Variants in ZMAT4 observed in about 807,000 individuals in gnomAD.
ZMAT4 encodes the protein zinc finger matrin-type protein 4.
Under a neutral mutation model 28.7 loss-of-function variants are expected in ZMAT4, and 17 were observed. The ratio of observed to expected loss-of-function variants is 0.59; its 90% CI spans 0.41 to 0.89. ZMAT4 has a LOEUF of 0.89. ZMAT4 is among the 40% of genes least tolerant of loss of function. The pLI, the probability that ZMAT4 is intolerant of heterozygous loss-of-function variation, is 0.00. For synonymous variants in ZMAT4, 117 were observed against 109.2 expected (o/e 1.07, Z -0.44); for missense variants, 240 against 283.8 (o/e 0.85, Z 1.11).
At chr8:40,811,612 A>T (rs1815320563) in intron 2 of ZMAT4, among the ~76,000 whole-genome samples, 1 of 152,212 alleles carries the variant, frequency 6.6e-6, no homozygotes, top group Admixed American at 6.5e-5. Context: ...TTGTCACAGC[A>T]TTGCTTGTGC....
chr8:40,760,576 C>T (rs1447526408), intron 3 of ZMAT4, among the ~76,000 whole-genome samples: 1 of 152,188 alleles, frequency 6.6e-6, no homozygotes, highest in Non-Finnish European at 1.5e-5. Flanking sequence ...TCAGAAAAAA[C>T]AAAATTCCTG....
rs1554572612 is a variant in ZMAT4, at chr8:40,862,570, TAA to T, written c.-5+35111_-5+35112del. 6.2e-4 allele frequency among the ~76,000 whole-genome samples: 56 copies of T among 90,034 alleles called. 1 individual carries two copies. The highest frequency in any genetic ancestry group is 3.4e-3 in the East Asian group (10 of 2,968). The allele number at this position is 90,034 out of a possible 152,430, so 59.1% of individuals were successfully genotyped here. A position where few individuals can be genotyped will look rare whatever the true frequency, so the allele number is the denominator to read the frequency against. Reference sequence around the variant, plus strand: ...ATGTACCCTAAAACTTAGAGTATAATAAAAAAAAAAAATTAAAAAAAAAAAAA... The same window carrying T: ...ATGTACCCTAAAACTTAGAGTATAATAAAAAAAAAATTAAAAAAAAAAAAA... On this transcript the variant is annotated intron_variant, in intron 1 of 6. Coordinates refer to ENST00000297737, the MANE Select transcript of ZMAT4 (RefSeq NM_024645.3).
At chr8:40,613,386 G>A (rs1242966915) in intron 5 of ZMAT4, among the ~76,000 whole-genome samples, 1 of 151,634 alleles carries the variant, frequency 6.6e-6, no homozygotes. Flanking sequence ...GTTTCACCAT[G>A]TTGGTCTGGC....
intron 6 of ZMAT4, among the ~76,000 whole-genome samples, chr8:40,580,529 A>G (rs1382263576): frequency 2.0e-5 from 3 of 152,156 alleles, no homozygotes; most frequent in Admixed American, 1.3e-4. Flanking sequence ...TTTTATTAGC[A>G]TTTTATTAAC....
intron 2 of ZMAT4, among the ~76,000 whole-genome samples, chr8:40,771,681 T>G (rs1813394736): frequency 6.6e-6 from 1 of 152,230 alleles, no homozygotes; most frequent in Non-Finnish European, 1.5e-5. Context: ...CTACTTCCAA[T>G]TTTAAAACTT....
At chr8:40,878,359 A>G (rs553717262) in intron 1 of ZMAT4, among the ~76,000 whole-genome samples, 12 of 152,212 alleles carry the variant, frequency 7.9e-5, no homozygotes, top group Non-Finnish European at 1.3e-4. Context: ...ATTTAAACTT[A>G]TAGAACACTG....
chr8:40,668,999 G>T (rs965373226), intron 5 of ZMAT4, among the ~76,000 whole-genome samples: 3 of 151,954 alleles, frequency 2.0e-5, no homozygotes, highest in Non-Finnish European at 4.4e-5. Flanking sequence ...TAGCCCATAG[G>T]TCAGGGGGGT....
At chr8:40,801,537 G>C (rs1383173256) in intron 2 of ZMAT4, among the ~76,000 whole-genome samples, 1 of 151,572 alleles carries the variant, frequency 6.6e-6, no homozygotes, top group Non-Finnish European at 1.5e-5. Flanking sequence ...GGGTGAGGTG[G>C]TGCACACCTG....
chr8:40,620,872 A>C (rs534108319), intron 5 of ZMAT4, among the ~76,000 whole-genome samples: 112 of 152,258 alleles, frequency 7.4e-4, no homozygotes, highest in African/African-American at 2.6e-3. Flanking sequence ...GCTCCTTTCA[A>C]GTCTGTGCTT....
intron 1 of ZMAT4, among the ~76,000 whole-genome samples, chr8:40,878,019 C>T (rs1406530702): frequency 6.6e-6 from 1 of 152,200 alleles, no homozygotes; most frequent in African/African-American, 2.4e-5. Flanking sequence ...TTAGGGAGCT[C>T]ATTCTGGCAC....
chr8:40,583,497 C>T (rs1804562356), intron 5 of ZMAT4, among the ~76,000 whole-genome samples: 1 of 152,118 alleles, frequency 6.6e-6, no homozygotes, highest in South Asian at 2.1e-4. Context: ...TAAAGTGATA[C>T]CAGAGGAGCT....
chr8:40,618,924 G>A (rs781502398), intron 5 of ZMAT4, among the ~76,000 whole-genome samples: 2 of 152,182 alleles, frequency 1.3e-5, no homozygotes, highest in Admixed American at 6.5e-5. Flanking sequence ...GGGGAAATTA[G>A]ACAGGTAAGT....
At chr8:40,622,177 A>G (rs189862742) in intron 5 of ZMAT4, among the ~76,000 whole-genome samples, 1 of 152,356 alleles carries the variant, frequency 6.6e-6, no homozygotes, top group Non-Finnish European at 1.5e-5. Flanking sequence ...ACCAATTACT[A>G]TGGCTTATGT....
chr8:40,651,209 G>A (rs930339370), intron 5 of ZMAT4, among the ~76,000 whole-genome samples: 1,572 of 152,144 alleles, frequency 0.01, 16 homozygotes, highest in Non-Finnish European at 0.016. Context: ...TCCTTAAGCT[G>A]ATAAGCAACT....
intron 1 of ZMAT4, among the ~76,000 whole-genome samples, chr8:40,830,056 C>T (rs1266566580): frequency 6.6e-6 from 1 of 152,148 alleles, no homozygotes; most frequent in African/African-American, 2.4e-5. Context: ...TGGCCTTTTT[C>T]AGGATCCTCA....
At chr8:40,815,491 C>G (rs1317165092) in intron 2 of ZMAT4, among the ~76,000 whole-genome samples, 9 of 152,142 alleles carry the variant, frequency 5.9e-5, no homozygotes, top group Admixed American at 5.9e-4. Flanking sequence ...AGGAAAATTT[C>G]TCTCAAACAT....
chr8:40,643,628 G>A (rs1807154533), intron 5 of ZMAT4, among the ~76,000 whole-genome samples: 2 of 152,136 alleles, frequency 1.3e-5, no homozygotes, highest in South Asian at 4.1e-4. Flanking sequence ...CCATTGCGAT[G>A]AGTGCTACAG....
intron 1 of ZMAT4, chr8:40,885,034 T>C (rs978887899): frequency 6.6e-6 from 1 of 151,960 alleles, no homozygotes; most frequent in African/African-American, 2.4e-5. Context: ...GTCCTGTCTG[T>C]CTACACTCAC....
chr8:40,557,100 G>A (rs1177649647), intron 6 of ZMAT4, among the ~76,000 whole-genome samples: 1 of 152,012 alleles, frequency 6.6e-6, no homozygotes, highest in African/African-American at 2.4e-5. Context: ...CAGTATTTCT[G>A]TGCCTGTCTG....
Sources: gnomAD v4.1 joint callset for allele counts (sites outside exome capture counted in the v4.1 genomes callset) on GRCh38, gnomAD v4.1.1 for gene constraint, MANE v1.5 for transcripts, NCBI Gene and HGNC (gene_info 2026-07-23, HGNC 2026-07-21) for gene names.